The following COX7B2 variants were observed in gnomAD, a reference collection of about 807,000 sequenced individuals.
COX7B2 encodes cytochrome c oxidase subunit 7B2, mitochondrial.
For synonymous variants in COX7B2, 37 were observed against 32.1 expected (o/e 1.15, Z -0.51); for missense variants, 109 against 95.9 (o/e 1.14, Z -0.57).
intron 2 of COX7B2, among the ~76,000 whole-genome samples, chr4:46,776,890 A>T (rs1294450310): frequency 1.3e-5 from 2 of 152,108 alleles, no homozygotes; most frequent in Non-Finnish European, 2.9e-5. Flanking sequence ...TTTAAAGTTA[A>T]ATGGTACAGG....
chr4:46,836,685 G>A (rs1165614337), intron 2 of COX7B2, among the ~76,000 whole-genome samples: 1 of 152,080 alleles, frequency 6.6e-6, no homozygotes, highest in Non-Finnish European at 1.5e-5. Flanking sequence ...TTGGTATTAA[G>A]TATAATGAAC....
chr4:46,869,136 G>A lies in COX7B2; in HGVS notation c.-104-24122C>T, dbSNP rs567168259. 3.9e-5 allele frequency among the ~76,000 whole-genome samples: 6 copies of A among 152,182 alleles called. No homozygotes were observed. The South Asian group carries it at 1.2e-3, about 32-fold the overall frequency. ...TTACTATTATGTAATGCCTTTCTTT[G>A]TCTTTTTTGATCTTTGTTGGTTTGA... is the stretch of plus-strand genomic sequence containing the variant. On this transcript the variant is annotated intron_variant, in intron 1 of 2. Transcript: ENST00000355591.
At chr4:46,845,152 T>C (rs1716184945) in intron 1 of COX7B2, 138 bp from the exon 2 acceptor site, 1 of 152,028 alleles carries the variant, frequency 6.6e-6, no homozygotes, top group Non-Finnish European at 1.5e-5. Flanking sequence ...ACAAATGATA[T>C]CTGATTAAAA....
chr4:46,789,093 T>G (rs748143636), intron 2 of COX7B2, among the ~76,000 whole-genome samples: 1 of 152,200 alleles, frequency 6.6e-6, no homozygotes, highest in Non-Finnish European at 1.5e-5. Context: ...CAAAATTAAG[T>G]TGAGGTTTAG....
At chr4:46,885,827 T>C (rs1719052073) in intron 1 of COX7B2, among the ~76,000 whole-genome samples, 1 of 152,142 alleles carries the variant, frequency 6.6e-6, no homozygotes, top group South Asian at 2.1e-4. Context: ...AAGGTTAGTT[T>C]TGAGTAACAG....
chr4:46,810,232 A>G (rs1719219899), intron 2 of COX7B2, among the ~76,000 whole-genome samples: 1 of 152,002 alleles, frequency 6.6e-6, no homozygotes, highest in Non-Finnish European at 1.5e-5. Flanking sequence ...ATCCAATCAA[A>G]TTACACAGAT....
chr4:46,810,577 C>G (rs1033927693), intron 2 of COX7B2, among the ~76,000 whole-genome samples: 2 of 152,022 alleles, frequency 1.3e-5, no homozygotes, highest in Non-Finnish European at 2.9e-5. Flanking sequence ...TCACAATTTA[C>G]ATCTTTTTCT....
rs927360169 is a variant in COX7B2 at position 46,868,010 on chromosome 4, T to C, written c.-104-22996A>G. The stretch of plus-strand genomic sequence containing the variant: ...GCTGTGAATTCATCAGGTCCTGGGC[T>C]TTTTTATTGGTTGGTAGTCTATTTA... On this transcript the variant is annotated intron_variant, in intron 1 of 2. Transcript: ENST00000355591. Among the ~76,000 whole-genome samples the C allele has an allele frequency of 5.9e-5, 9 of 152,130 alleles. No homozygotes were observed. In the South Asian group the frequency reaches 1.7e-3, roughly 28 times the overall value.
At chr4:46,754,108 A>G (rs377459665) in intron 2 of COX7B2, among the ~76,000 whole-genome samples, 1,691 of 152,150 alleles carry the variant, frequency 0.011, 34 homozygotes, top group African/African-American at 0.039. Context: ...CTTTTACACT[A>G]TTGGTGGGAC....
At chr4:46,754,566 A>G (rs1293015534) in intron 2 of COX7B2, among the ~76,000 whole-genome samples, 1 of 144,650 alleles carries the variant, frequency 6.9e-6, no homozygotes, top group South Asian at 2.3e-4. Context: ...GGGGAGGGAT[A>G]GCATTAGGAG....
intron 1 of COX7B2, among the ~76,000 whole-genome samples, chr4:46,857,027 T>G (rs1366339885): frequency 6.6e-6 from 1 of 152,192 alleles, no homozygotes; most frequent in East Asian, 1.9e-4. Flanking sequence ...TGTAAAAAAC[T>G]AAAAACTTTG....
intron 2 of COX7B2, among the ~76,000 whole-genome samples, chr4:46,791,203 G>A (rs189777396): frequency 5.3e-5 from 8 of 150,798 alleles, no homozygotes; most frequent in Non-Finnish European, 8.9e-5. Context: ...TAGAGAGGGA[G>A]TTTTACCGTG....
intron 2 of COX7B2, among the ~76,000 whole-genome samples, chr4:46,791,153 C>T (rs567980212): frequency 2.0e-5 from 3 of 151,982 alleles, no homozygotes; most frequent in Non-Finnish European, 4.4e-5. Flanking sequence ...CGCCCGCCAC[C>T]ACATCTGGCT....
intron 2 of COX7B2, among the ~76,000 whole-genome samples, chr4:46,816,124 A>G (rs1577600971): frequency 6.6e-6 from 1 of 152,184 alleles, no homozygotes; most frequent in African/African-American, 2.4e-5. Flanking sequence ...CTGACATTAT[A>G]CCCTACAACT....
chr4:46,829,655 C>T (rs1347850722), intron 2 of COX7B2, among the ~76,000 whole-genome samples: 1 of 152,058 alleles, frequency 6.6e-6, no homozygotes, highest in Admixed American at 6.6e-5. Flanking sequence ...ATCAGAGAAG[C>T]TTTGTGAAAG....
chr4:46,736,130 C>T (rs180995783), intron 2 of COX7B2, among the ~76,000 whole-genome samples: 25 of 152,228 alleles, frequency 1.6e-4, no homozygotes, highest in Non-Finnish European at 2.8e-4. Flanking sequence ...TAGTATCATA[C>T]AGAATAGTTT....
chr4:46,826,728 C>T (rs1714723857), intron 2 of COX7B2, among the ~76,000 whole-genome samples: 1 of 152,008 alleles, frequency 6.6e-6, no homozygotes, highest in African/African-American at 2.4e-5. Context: ...GATCGAGCTA[C>T]AGGCTCTTAA....
chr4:46,849,832 C>T (rs1398243589), intron 1 of COX7B2, among the ~76,000 whole-genome samples: 2 of 151,954 alleles, frequency 1.3e-5, no homozygotes, highest in Non-Finnish European at 2.9e-5. Flanking sequence ...TGCTATCCCT[C>T]CCCGCTCCCC....
chr4:46,754,348 T>C (rs1324663964), intron 2 of COX7B2, among the ~76,000 whole-genome samples: 1 of 150,592 alleles, frequency 6.6e-6, no homozygotes, highest in Non-Finnish European at 1.5e-5. Flanking sequence ...ATTAAGAAAA[T>C]GTGGCACATA....
Sources: allele counts gnomAD v4.1 joint callset (sites outside exome capture counted in the v4.1 genomes callset), GRCh38; gene constraint gnomAD v4.1.1; transcripts MANE v1.5; gene names NCBI Gene and HGNC (gene_info 2026-07-23, HGNC 2026-07-21).